Variants in IDE observed in about 807,000 individuals in gnomAD.
IDE encodes the protein insulin degrading enzyme, also known as insulin-degrading enzyme.
IDE carries 58 observed loss-of-function variants against 133.2 expected under a neutral mutation model. The observed-to-expected ratio is 0.44, with a 90% confidence interval of 0.35 to 0.54. IDE has a LOEUF of 0.54. Among genes scored for constraint, IDE ranks in the 20% least tolerant of loss-of-function variants. The pLI is 0.00. For synonymous variants in IDE, 396 were observed against 421.3 expected, an observed-to-expected ratio of 0.94 and a Z score of 0.73; for missense variants, 981 against 1,234.0, an observed-to-expected ratio of 0.79 and a Z score of 3.07.
chr10:92,513,059 G>A (rs919814388), intron 5 of IDE, among the ~76,000 whole-genome samples: 11 of 152,242 alleles, frequency 7.2e-5, no homozygotes, highest in African/African-American at 2.4e-4. Context: ...TATTTGGAAT[G>A]AAAAGCCAGG....
intron 11 of IDE, among the ~76,000 whole-genome samples, chr10:92,499,624 G>A (rs1847902359): frequency 1.3e-5 from 2 of 152,038 alleles, no homozygotes; most frequent in Non-Finnish European, 2.9e-5. Flanking sequence ...TAGAGATGGG[G>A]TTTCATCATG....
At chr10:92,512,668 C>T (rs895683951) in intron 5 of IDE, among the ~76,000 whole-genome samples, 4 of 151,916 alleles carry the variant, frequency 2.6e-5, no homozygotes, top group African/African-American at 9.7e-5. Context: ...AAGCACATAG[C>T]ATTACAGAGT....
intron 3 of IDE, among the ~76,000 whole-genome samples, chr10:92,533,146 T>C (rs1035840796): frequency 3.9e-5 from 6 of 152,158 alleles, no homozygotes; most frequent in African/African-American, 1.4e-4. Flanking sequence ...TATAATAAAG[T>C]TTTTTAAATG....
rs999419587 is a variant in IDE, at chr10:92,509,975, C to G, written c.897+75G>C. 18 of 606,278 alleles carry G rather than the reference C, an allele frequency of 3.0e-5. No individual in the cohort carries two copies. In the African/African-American group the frequency reaches 3.5e-4, roughly 12 times the overall value. The allele number at this position is 606,278 out of a possible 1,614,324, so 37.6% of individuals were successfully genotyped here. A position where few individuals can be genotyped will look rare whatever the true frequency, so the allele number is the denominator to read the frequency against. ...ATAATGAAACCTCCAAAAATTTTCA[C>G]CTGTTCTATGGTAAACTAGGTATAT... On this transcript the variant is annotated intron_variant, in intron 6 of 24. Transcript: ENST00000265986.
chr10:92,534,702 T>G lies in IDE; in HGVS notation c.367A>C (p.Lys123Gln). The change falls in exon 3 of 25, where the codon AAA becomes CAA. Residue 123 changes from lysine (K) to glutamine (Q), a missense_variant. This residue lies in a region of IDE where 321 missense variants were observed against 339.3 expected (regional missense o/e 0.95). Coordinates refer to ENST00000265986, the MANE Select transcript of IDE (RefSeq NM_004969.4). ...AGAAACTGGCTGTATTCATTTTCTT[T>G]AGGGTATTTCTTTGTTCCCAAAAAA... The part of the protein sequence containing the change: ...MLFLGTKKYP[K>Q]ENEYSQFLSE... 1 of 1,613,664 alleles carries G rather than the reference T, an allele frequency of 6.2e-7. No homozygotes were observed. The highest frequency in any genetic ancestry group is 8.5e-7 in the Non-Finnish European group (1 of 1,179,660).
At chr10:92,485,146 TGACA>T (rs1846908566) in intron 13 of IDE, among the ~76,000 whole-genome samples, 1 of 84,210 alleles carries the variant, frequency 1.2e-5, no homozygotes, top group East Asian at 5.4e-4. Flanking sequence ...TTTTTTTTTG[TGACA>T]GAGTTTCGCT....
intron 1 of IDE, chr10:92,559,017 T>C (rs898134785): frequency 6.7e-6 from 1 of 150,120 alleles, no homozygotes; most frequent in Non-Finnish European, 1.5e-5. Context: ...CCAAGAAGCA[T>C]ATGAAAATAT....
intron 2 of IDE, among the ~76,000 whole-genome samples, chr10:92,536,451 C>T (rs965071760): frequency 2.7e-5 from 4 of 150,578 alleles, no homozygotes; most frequent in African/African-American, 9.8e-5. Flanking sequence ...GTAATCCCTG[C>T]ACTTTGGGAG....
intron 4 of IDE, among the ~76,000 whole-genome samples, chr10:92,522,836 G>A (rs927007743): frequency 3.9e-5 from 6 of 152,070 alleles, no homozygotes; most frequent in African/African-American, 9.7e-5. Context: ...AATAATCCAC[G>A]TAAAGTGCTT....
At chr10:92,569,003 A>T (rs767533704) in intron 1 of IDE, among the ~76,000 whole-genome samples, 14 of 152,126 alleles carry the variant, frequency 9.2e-5, no homozygotes, top group Non-Finnish European at 1.8e-4. Flanking sequence ...TAAATAAGAG[A>T]GTAAAAAAAT....
At chr10:92,487,646 A>G (rs1374661579) in intron 12 of IDE, among the ~76,000 whole-genome samples, 1 of 152,238 alleles carries the variant, frequency 6.6e-6, no homozygotes, top group Non-Finnish European at 1.5e-5. Context: ...CTAGCTCTTT[A>G]AAGAATGGAG....
At chr10:92,456,867 A>G (rs965775190) in intron 22 of IDE, among the ~76,000 whole-genome samples, 1 of 149,342 alleles carries the variant, frequency 6.7e-6, no homozygotes, top group Non-Finnish European at 1.5e-5. Context: ...AAAAAAAAAA[A>G]AAAAAAGAAA....
intron 4 of IDE, among the ~76,000 whole-genome samples, chr10:92,518,640 T>C (rs1463806355): frequency 6.6e-6 from 1 of 152,200 alleles, no homozygotes; most frequent in Non-Finnish European, 1.5e-5. Flanking sequence ...ATAGTAACAC[T>C]GTTTCATTAA....
intron 1 of IDE, among the ~76,000 whole-genome samples, chr10:92,550,686 A>G (rs938527685): frequency 2.0e-5 from 3 of 147,184 alleles, no homozygotes; most frequent in Non-Finnish European, 4.5e-5. Flanking sequence ...CGTGGCCAAC[A>G]TGGTGAAACC....
At chr10:92,552,332 T>C (rs974971533) in intron 1 of IDE, among the ~76,000 whole-genome samples, 9 of 152,200 alleles carry the variant, frequency 5.9e-5, no homozygotes, top group African/African-American at 2.2e-4. Flanking sequence ...AGTGTTCTCA[T>C]TGTTGGAAAA....
chr10:92,474,283 G>T (rs1652662101), intron 17 of IDE, among the ~76,000 whole-genome samples: 1 of 152,072 alleles, frequency 6.6e-6, no homozygotes, highest in South Asian at 2.1e-4. Context: ...GCCCAGGGTG[G>T]TCTCAAACTC....
At chr10:92,500,358 A>G (rs1389060131) in intron 11 of IDE, among the ~76,000 whole-genome samples, 1 of 152,132 alleles carries the variant, frequency 6.6e-6, no homozygotes, top group Non-Finnish European at 1.5e-5. Flanking sequence ...TGGTATATAC[A>G]TATAATGGAA....
intron 11 of IDE, among the ~76,000 whole-genome samples, chr10:92,500,980 G>A (rs1308404962): frequency 6.6e-6 from 1 of 150,954 alleles, no homozygotes; most frequent in African/African-American, 2.4e-5. Context: ...GGCAGAGGTT[G>A]CAGTGAGCTG....
chr10:92,554,281 T>C (rs770183158), intron 1 of IDE, among the ~76,000 whole-genome samples: 1 of 152,070 alleles, frequency 6.6e-6, no homozygotes, highest in Non-Finnish European at 1.5e-5. Context: ...AGGCTAAGTA[T>C]AGTGGCTCAT....
Sources: allele counts gnomAD v4.1 joint callset (sites outside exome capture counted in the v4.1 genomes callset), GRCh38; gene constraint gnomAD v4.1.1; regional missense constraint gnomAD v4.1.1; transcripts MANE v1.5; gene names NCBI Gene and HGNC (gene_info 2026-07-23, HGNC 2026-07-21).